Variants in LRRTM4 observed in about 807,000 individuals in gnomAD.
LRRTM4 encodes leucine-rich repeat transmembrane neuronal protein 4.
A neutral mutation model predicts 47.6 loss-of-function variants in LRRTM4; 25 were observed. The observed-to-expected ratio is 0.53, with a 90% CI of 0.38 to 0.73. The LOEUF is 0.73. Among genes scored for constraint, LRRTM4 ranks in the 30% least tolerant of loss-of-function variants. LRRTM4 has a pLI of 0.00. For synonymous variants in LRRTM4, 311 were observed against 269.5 expected (o/e 1.15, Z -1.51); for missense variants, 638 against 713.4 (o/e 0.89, Z 1.20).
At chr2:77,460,984 C>G (rs1388387348) in intron 3 of LRRTM4, among the ~76,000 whole-genome samples, 1 of 152,014 alleles carries the variant, frequency 6.6e-6, no homozygotes, top group African/African-American at 2.4e-5. Context: ...TTTTAAAGAC[C>G]TTGAAAATTA....
At chr2:76,987,272 G>C (rs377229987) in intron 3 of LRRTM4, 33 of 151,666 alleles carry the variant, frequency 2.2e-4, no homozygotes, top group African/African-American at 6.5e-4. Flanking sequence ...AACATGCAAG[G>C]AAAGTACCCA....
chr2:76,775,350 T>C (rs1214137798), intron 3 of LRRTM4, among the ~76,000 whole-genome samples: 2 of 151,856 alleles, frequency 1.3e-5, no homozygotes, highest in African/African-American at 4.9e-5. Context: ...GTCCTTATGA[T>C]CCCCTGATCT....
intron 3 of LRRTM4, among the ~76,000 whole-genome samples, chr2:77,216,120 G>C (rs758928206): frequency 1.3e-5 from 2 of 151,948 alleles, no homozygotes; most frequent in African/African-American, 4.8e-5. Context: ...ACTAATACTT[G>C]AATACACTAG....
intron 3 of LRRTM4, among the ~76,000 whole-genome samples, chr2:77,265,502 G>T (rs573924479): frequency 1.3e-5 from 2 of 152,124 alleles, no homozygotes; most frequent in Non-Finnish European, 2.9e-5. Flanking sequence ...CAGCAAAAAG[G>T]CCTTCACTGG....
chr2:76,910,035 A>G (rs2103775492), intron 3 of LRRTM4, among the ~76,000 whole-genome samples: 1 of 152,270 alleles, frequency 6.6e-6, no homozygotes, highest in Admixed American at 6.5e-5. Context: ...TGCTATAAAG[A>G]CACATGAACA....
chr2:77,167,308 G>T (rs1236182952), intron 3 of LRRTM4, among the ~76,000 whole-genome samples: 1 of 152,166 alleles, frequency 6.6e-6, no homozygotes, highest in African/African-American at 2.4e-5. Context: ...AACAACAGGT[G>T]CTGGAGACGA....
chr2:76,925,926 A>G (rs1177724823), intron 3 of LRRTM4, among the ~76,000 whole-genome samples: 1 of 152,124 alleles, frequency 6.6e-6, no homozygotes, highest in African/African-American at 2.4e-5. Flanking sequence ...TATTCAATAT[A>G]GTTGTCATAG....
At chr2:77,016,762 A>G (rs1476385358) in intron 3 of LRRTM4, among the ~76,000 whole-genome samples, 3 of 152,108 alleles carry the variant, frequency 2.0e-5, no homozygotes, top group South Asian at 2.1e-4. Flanking sequence ...TACACTTTCT[A>G]TTTCTGGGAA....
At chr2:77,510,312 G>A (rs906857460) in intron 3 of LRRTM4, among the ~76,000 whole-genome samples, 1 of 152,086 alleles carries the variant, frequency 6.6e-6, no homozygotes, top group Non-Finnish European at 1.5e-5. Flanking sequence ...GCAAGTGAAA[G>A]AACGTATGTT....
intron 3 of LRRTM4, among the ~76,000 whole-genome samples, chr2:77,022,353 A>G (rs1298826733): frequency 6.6e-6 from 1 of 152,152 alleles, no homozygotes; most frequent in Admixed American, 6.5e-5. Flanking sequence ...GCCAAACCAT[A>G]TCATTCTTCC....
At chr2:77,088,398 G>T (rs926786694) in intron 3 of LRRTM4, among the ~76,000 whole-genome samples, 1 of 152,114 alleles carries the variant, frequency 6.6e-6, no homozygotes, top group Non-Finnish European at 1.5e-5. Context: ...TGCCTTAAGT[G>T]ATGACATTAC....
At chr2:77,391,731 C>G (rs955610865) in intron 3 of LRRTM4, among the ~76,000 whole-genome samples, 1 of 151,930 alleles carries the variant, frequency 6.6e-6, no homozygotes, top group African/African-American at 2.4e-5. Flanking sequence ...GGGGACCCAA[C>G]TAAACCCAAA....
chr2:76,933,597 T>A (rs13413625), intron 3 of LRRTM4, among the ~76,000 whole-genome samples: 42,665 of 151,968 alleles, frequency 0.28, 8,207 homozygotes, highest in African/African-American at 0.55. Flanking sequence ...TGCATTTAGA[T>A]TATCATGTTT....
intron 3 of LRRTM4, among the ~76,000 whole-genome samples, chr2:76,992,586 CA>C (rs1396818833): frequency 6.6e-6 from 1 of 151,092 alleles, no homozygotes; most frequent in Non-Finnish European, 1.5e-5. Flanking sequence ...AAGATCTGCA[CA>C]AAGAGAACTA....
intron 3 of LRRTM4, among the ~76,000 whole-genome samples, chr2:77,223,593 T>G (rs1278311672): frequency 2.6e-5 from 4 of 152,086 alleles, no homozygotes; most frequent in Non-Finnish European, 4.4e-5. Flanking sequence ...AAATCATGAG[T>G]GAACTCCCAT....
intron 3 of LRRTM4, among the ~76,000 whole-genome samples, chr2:76,993,356 A>G (rs1677081253): frequency 6.6e-6 from 1 of 151,972 alleles, no homozygotes; most frequent in Non-Finnish European, 1.5e-5. Context: ...CTTGCAAACT[A>G]TGTATCTGAC....
At chr2:77,343,809 G>A (rs1349206394) in intron 3 of LRRTM4, among the ~76,000 whole-genome samples, 1 of 151,846 alleles carries the variant, frequency 6.6e-6, no homozygotes, top group African/African-American at 2.4e-5. Flanking sequence ...AAGAGATTGT[G>A]ATATAAATAT....
chr2:77,340,045 G>T (rs1022210506), intron 3 of LRRTM4, among the ~76,000 whole-genome samples: 1 of 151,904 alleles, frequency 6.6e-6, no homozygotes. Context: ...CATGAAAAAC[G>T]TGATGTACAT....
chr2:76,809,932 A>G (rs778124276), intron 3 of LRRTM4, among the ~76,000 whole-genome samples: 9 of 152,080 alleles, frequency 5.9e-5, no homozygotes, highest in Non-Finnish European at 8.8e-5. Flanking sequence ...GTTCCTATTC[A>G]AACCTCATAG....
Sources: gnomAD v4.1 joint callset for allele counts (sites outside exome capture counted in the v4.1 genomes callset) on GRCh38, gnomAD v4.1.1 for gene constraint, MANE v1.5 for transcripts, NCBI Gene and HGNC (gene_info 2026-07-23, HGNC 2026-07-21) for gene names.